The following XXYLT1 variants were observed in gnomAD, a reference collection of about 807,000 sequenced individuals.
XXYLT1 encodes the protein UDP-xylose:alpha-xyloside alpha-1,3-xylosyltransferase.
XXYLT1 carries 20 observed loss-of-function variants against 28.9 expected under a neutral mutation model. The ratio of observed to expected loss-of-function variants is 0.69; its 90% CI spans 0.49 to 1.00. XXYLT1 has a LOEUF of 1.00. Among genes scored for constraint, XXYLT1 ranks in the 50% least tolerant of loss-of-function variants. XXYLT1 has a pLI of 0.00. For missense variants in XXYLT1, 542 were observed against 560.1 expected, an observed-to-expected ratio of 0.97 and a Z score of 0.33; for synonymous variants, 257 against 253.8, an observed-to-expected ratio of 1.01 and a Z score of -0.12.
intron 1 of XXYLT1, among the ~76,000 whole-genome samples, chr3:195,268,275 C>CA (rs35537878): frequency 0.3 from 45,485 of 151,352 alleles, 7,941 homozygotes; most frequent in East Asian, 0.83. Flanking sequence ...ACTAAAAATA[C>CA]AAAAAATTAG....
intron 2 of XXYLT1, among the ~76,000 whole-genome samples, chr3:195,157,477 G>A (rs1720664559): frequency 6.6e-6 from 1 of 152,144 alleles, no homozygotes; most frequent in Non-Finnish European, 1.5e-5. Context: ...GACAGGATGA[G>A]CCCAGATTCT....
At chr3:195,151,290 T>C (rs1011131032) in intron 3 of XXYLT1, among the ~76,000 whole-genome samples, 1 of 152,180 alleles carries the variant, frequency 6.6e-6, no homozygotes, top group Non-Finnish European at 1.5e-5. Context: ...ATACCTGTCA[T>C]CCCAGTACTT....
chr3:195,200,947 C>A (rs569203743), intron 2 of XXYLT1, among the ~76,000 whole-genome samples: 3 of 152,260 alleles, frequency 2.0e-5, no homozygotes, highest in African/African-American at 4.8e-5. Context: ...TAGAGATGTA[C>A]ATTGAAGTTA....
chr3:195,111,814 G>A (rs1196189579), intron 3 of XXYLT1, among the ~76,000 whole-genome samples: 4 of 152,126 alleles, frequency 2.6e-5, no homozygotes, highest in South Asian at 4.1e-4. Flanking sequence ...CAACAAAACA[G>A]AATTTTCAAA....
At chr3:195,084,751 C>T (rs1334584966) in intron 3 of XXYLT1, among the ~76,000 whole-genome samples, 1 of 152,216 alleles carries the variant, frequency 6.6e-6, no homozygotes, top group Non-Finnish European at 1.5e-5. Context: ...AGAAACCCAA[C>T]CCCAGGGATT....
chr3:195,262,673 C>A (rs1187253278), intron 1 of XXYLT1, among the ~76,000 whole-genome samples: 1 of 152,114 alleles, frequency 6.6e-6, no homozygotes, highest in Non-Finnish European at 1.5e-5. Flanking sequence ...ATATCATGAC[C>A]CCAAGGCTCT....
In XXYLT1 at chr3:195,068,885, G is replaced by GCTC. The variant is rs35559709; in HGVS notation, c.*829_*830insGAG. On this transcript the variant is annotated 3_prime_UTR_variant, in exon 4 of 4. Transcript: ENST00000310380. ...GGCTTGACGACTGTGCCCGGCCTGGGCTTTTTGGAATGAGTCTTCCTGGTC... is the reference window on the plus strand; with the variant it reads ...GGCTTGACGACTGTGCCCGGCCTGGGCTCCTTTTTGGAATGAGTCTTCCTGGTC... The GCTC allele has an allele frequency of 0.29, 44,184 of 151,808 alleles. 7,480 individuals are homozygous for GCTC. Among genetic ancestry groups the GCTC allele is most frequent in the East Asian group, 0.62 (3,157 of 5,120 alleles). 9.4% of individuals were successfully genotyped at this position (151,808 alleles called of 1,614,324 possible). A position where few individuals can be genotyped will look rare whatever the true frequency, so the allele number is the denominator to read the frequency against.
chr3:195,207,377 T>A (rs1187515950), intron 2 of XXYLT1: 1 of 437,184 alleles, frequency 2.3e-6, no homozygotes, highest in East Asian at 7.1e-5. Context: ...CAACAGAGGG[T>A]TTGGAGGTTC....
At chr3:195,088,255 GC>G (rs1197278811) in intron 3 of XXYLT1, among the ~76,000 whole-genome samples, 2 of 150,534 alleles carry the variant, frequency 1.3e-5, no homozygotes, top group African/African-American at 2.4e-5. Context: ...CAAAAAGACA[GC>G]AGTAACCTCT....
At chr3:195,146,410 A>G (rs1434034767) in intron 3 of XXYLT1, among the ~76,000 whole-genome samples, 2 of 152,388 alleles carry the variant, frequency 1.3e-5, no homozygotes, top group Middle Eastern at 6.8e-3. Context: ...CAAAGCACAC[A>G]GTCCTGCGGG....
At chr3:195,201,959 A>AC (rs1300156975) in intron 2 of XXYLT1, among the ~76,000 whole-genome samples, 1 of 152,154 alleles carries the variant, frequency 6.6e-6, no homozygotes, top group Non-Finnish European at 1.5e-5. Flanking sequence ...TGGGCGGATC[A>AC]TGAGGTCAGA....
At chr3:195,237,642 C>T (rs1195957422) in intron 1 of XXYLT1, among the ~76,000 whole-genome samples, 1 of 151,942 alleles carries the variant, frequency 6.6e-6, no homozygotes, top group African/African-American at 2.4e-5. Context: ...CCACCTCCAG[C>T]CTAACCATAA....
intron 2 of XXYLT1, among the ~76,000 whole-genome samples, chr3:195,212,765 A>G (rs563154362): frequency 6.6e-6 from 1 of 152,250 alleles, no homozygotes; most frequent in Non-Finnish European, 1.5e-5. Flanking sequence ...GTCCACTGAA[A>G]AACTGTCTTC....
chr3:195,104,299 A>T (rs1413394573), intron 3 of XXYLT1, among the ~76,000 whole-genome samples: 2 of 151,810 alleles, frequency 1.3e-5, no homozygotes, highest in Non-Finnish European at 2.9e-5. Flanking sequence ...TAGGAACAGA[A>T]ACAGAAGTAT....
chr3:195,181,432 T>C (rs1721951208), intron 2 of XXYLT1, among the ~76,000 whole-genome samples: 1 of 152,356 alleles, frequency 6.6e-6, no homozygotes. Flanking sequence ...CTTTGTGTCA[T>C]TTTAGTGAAC....
intron 1 of XXYLT1, among the ~76,000 whole-genome samples, chr3:195,269,505 AAGG>A (rs1725948671): frequency 6.6e-6 from 1 of 152,184 alleles, no homozygotes; most frequent in Admixed American, 6.5e-5. Flanking sequence ...CATGTAGACA[AAGG>A]AGGAGAGGTG....
chr3:195,205,157 A>T (rs1257924016), intron 2 of XXYLT1, among the ~76,000 whole-genome samples: 2 of 152,274 alleles, frequency 1.3e-5, no homozygotes, highest in Middle Eastern at 3.2e-3. Context: ...AGTAACTACC[A>T]AAAGACCCAG....
chr3:195,188,285 C>G (rs922536080), intron 2 of XXYLT1, among the ~76,000 whole-genome samples: 2 of 152,128 alleles, frequency 1.3e-5, no homozygotes, highest in Admixed American at 6.5e-5. Flanking sequence ...AGGTAGGGCT[C>G]AAACACGGGA....
intron 2 of XXYLT1, among the ~76,000 whole-genome samples, chr3:195,203,571 C>T (rs1235170291): frequency 6.6e-6 from 1 of 152,192 alleles, no homozygotes; most frequent in Non-Finnish European, 1.5e-5. Context: ...TAACATCTCC[C>T]TCTGTAAAAC....
Sources: allele counts gnomAD v4.1 joint callset (sites outside exome capture counted in the v4.1 genomes callset), GRCh38; gene constraint gnomAD v4.1.1; transcripts MANE v1.5; gene names NCBI Gene and HGNC (gene_info 2026-07-23, HGNC 2026-07-21).